MEGF6: variants seen among roughly 807,000 people sequenced by gnomAD.
The protein encoded by MEGF6 is multiple EGF like domains 6.
MEGF6 carries 184 observed loss-of-function variants against 207.1 expected under a neutral mutation model. That is an observed-to-expected ratio of 0.89 (90% CI 0.79 to 1.00). The LOEUF is 1.00. Ranked by LOEUF, MEGF6 falls within the 50% of genes least tolerant of loss-of-function variation. The probability of loss-of-function intolerance (pLI) is 0.00; values close to 1 mark genes in which losing one functional copy is unlikely to be tolerated. For missense variants in MEGF6, 2,282 were observed against 2,202.9 expected (o/e 1.04, Z -0.72); for synonymous variants, 1,038 against 910.0 (o/e 1.14, Z -2.53).
intron 1 of MEGF6, among the ~76,000 whole-genome samples, chr1:3,606,495 C>T (rs1040498119): frequency 1.3e-5 from 2 of 152,216 alleles, no homozygotes; most frequent in Non-Finnish European, 2.9e-5. Flanking sequence ...GCCTCAGTTT[C>T]CTCACCTGTA....
rs1315911984 is a variant in MEGF6 at position 3,560,289 on chromosome 1, C to T, written c.481+19536G>A. Among the ~76,000 whole-genome samples, 4 of 152,174 alleles carry T rather than the reference C, an allele frequency of 2.6e-5. No homozygotes were observed. The highest frequency in any genetic ancestry group is 4.4e-5 in the Non-Finnish European group (3 of 68,022). ...TGGAATGACCGCTTGGTACAGCGGA[C>T]GAGCCCACGTTGACACATTGTTGTT... On this transcript the variant is annotated intron_variant, in intron 4 of 36. Transcript: ENST00000356575. The surrounding 1 kb of genome is among the most constrained non-coding windows in gnomAD (Gnocchi z 4.0).
chr1:3,554,503 G>A lies in MEGF6; in HGVS notation c.481+25322C>T, dbSNP rs367870760. Among the ~76,000 whole-genome samples, 259 of 152,314 alleles carry A rather than the reference G, an allele frequency of 1.7e-3. 1 individual carries two copies. Among genetic ancestry groups the A allele is most frequent in the African/African-American group, 6.0e-3 (249 of 41,574 alleles). On this transcript the variant is annotated intron_variant, in intron 4 of 36. Coordinates refer to ENST00000356575, the MANE Select transcript of MEGF6 (RefSeq NM_001409.4). Reference sequence around the variant, plus strand: ...CCCCAGGGTCCCAGCTGCTACAGGAGGCAGCTACATCCCTTTCCTGGGGCT... The same window carrying A: ...CCCCAGGGTCCCAGCTGCTACAGGAAGCAGCTACATCCCTTTCCTGGGGCT...
intron 3 of MEGF6, among the ~76,000 whole-genome samples, chr1:3,584,047 T>G (rs1259155616): frequency 6.6e-6 from 1 of 152,256 alleles, no homozygotes; most frequent in East Asian, 1.9e-4. Context: ...CCCAGGCATC[T>G]GCTCTAGGGT....
intron 4 of MEGF6, among the ~76,000 whole-genome samples, chr1:3,537,541 C>T (rs941970955): frequency 2.0e-5 from 3 of 152,240 alleles, no homozygotes; most frequent in Non-Finnish European, 2.9e-5. Flanking sequence ...GGACCCTGAA[C>T]GAGTGGCCGG....
the MEGF6 span, among the ~76,000 whole-genome samples, chr1:3,621,277 A>C: frequency 6.6e-6 from 1 of 152,196 alleles, no homozygotes. Flanking sequence ...CCACTAGACC[A>C]CGGTCCGCTT....
At chr1:3,523,436 T>C in intron 5 of MEGF6, among the ~76,000 whole-genome samples, 1 of 151,574 alleles carries the variant, frequency 6.6e-6, no homozygotes, top group Non-Finnish European at 1.5e-5. Flanking sequence ...CCTCTAACCC[T>C]CCCTCCCTGC....
At chr1:3,513,532 C>A (rs543839610) in intron 7 of MEGF6, among the ~76,000 whole-genome samples, 1 of 149,622 alleles carries the variant, frequency 6.7e-6, no homozygotes, top group South Asian at 2.1e-4. Context: ...CCCACCTTGG[C>A]CTCTCAAAGT....
At chr1:3,540,201 TA>T (rs1329937038) in intron 4 of MEGF6, among the ~76,000 whole-genome samples, 5 of 152,220 alleles carry the variant, frequency 3.3e-5, no homozygotes, top group Non-Finnish European at 5.9e-5. Flanking sequence ...GGCTTGGCCT[TA>T]ACTGAGAACG....
chr1:3,601,768 C>T (rs1444442279), intron 2 of MEGF6, among the ~76,000 whole-genome samples: 1 of 152,244 alleles, frequency 6.6e-6, no homozygotes, highest in Non-Finnish European at 1.5e-5. Context: ...AGAAAGCTGC[C>T]AGAGCCCCCT....
rs762548187 is a variant in MEGF6, at chr1:3,515,422, T to C, written c.710A>G (p.Glu237Gly). The C allele has an allele frequency of 6.2e-7, 1 of 1,612,274 alleles. No homozygotes were observed. ...CTCACGGACACAATGCCTGCCGTCC[T>C]CCTGGAGCTGGAACCCGGGCCGGCA... ...CQCRPGFQLQ[E>G]DGRHCVRRSP... The change falls in exon 6 of 37, where the codon GAG becomes GGG. Residue 237 changes from glutamate to glycine, a missense_variant. Physicochemically the swap from Glu to Gly is moderately conservative, Grantham distance 98. Transcript: ENST00000356575.
intron 4 of MEGF6, among the ~76,000 whole-genome samples, chr1:3,567,511 AC>A (rs377134280): frequency 5.7e-4 from 86 of 151,494 alleles, no homozygotes; most frequent in African/African-American, 2.0e-3. Flanking sequence ...TCCCTCCTGC[AC>A]CCCCAGCATG....
chr1:3,563,421 C>T (rs1199865158), intron 4 of MEGF6, among the ~76,000 whole-genome samples: 4 of 152,162 alleles, frequency 2.6e-5, no homozygotes, highest in Admixed American at 6.5e-5. Context: ...GCTATAGGTC[C>T]GTCCCCTCGT....
At chr1:3,623,917 C>G in the MEGF6 span, among the ~76,000 whole-genome samples, 5 of 152,190 alleles carry the variant, frequency 3.3e-5, no homozygotes, top group Non-Finnish European at 5.9e-5. Context: ...TGGGAGGCGC[C>G]ACTGCAAACT....
rs1191628726 is a variant in MEGF6 at position 3,584,345 on chromosome 1, C to T, written c.377-4416G>A. Among the ~76,000 whole-genome samples the T allele has an allele frequency of 3.9e-5, 6 of 152,356 alleles. No homozygotes were observed. In the East Asian group the frequency reaches 1.2e-3, roughly 29 times the overall value. On this transcript the variant is annotated intron_variant, in intron 3 of 36. Coordinates refer to ENST00000356575, the MANE Select transcript of MEGF6 (RefSeq NM_001409.4). ...TCCTGCAGGTGAAGACCTTGGGCCA[C>T]TTCTCTGGAGCTGCCGCTTGGCCAG...
At position 3,490,069 on chromosome 1, in the gene MEGF6, C is replaced by T. The variant is rs531553815; in HGVS notation, c.*459G>A. ...CTTCCAGCTGATCCCAGGGCTGCAG[C>T]GGGCATGTGCAGTGGCCCATAAATA... On this transcript the variant is annotated 3_prime_UTR_variant, in exon 37 of 37. Transcript: ENST00000356575. 131 of 164,658 alleles carry T rather than the reference C, an allele frequency of 8.0e-4. No homozygotes were observed. Among genetic ancestry groups the T allele is most frequent in the Non-Finnish European group, 1.1e-3 (83 of 76,558 alleles). 10.2% of individuals were successfully genotyped at this position (164,658 alleles called of 1,614,324 possible).
intron 13 of MEGF6, 44 bp from the exon 14 acceptor site, chr1:3,507,967 G>C (rs551320122): frequency 6.3e-7 from 1 of 1,587,230 alleles, no homozygotes; most frequent in Non-Finnish European, 8.6e-7. Context: ...CAGCCAGCAC[G>C]ACACTCTGAG....
rs564273058 is a variant in MEGF6 at position 3,511,001 on chromosome 1, G to A, written c.1115-99C>T. ...GCATACGACCACACACAACCCACGC[G>A]CCCGACTGCACCTGCAGCTGCCCAC... On this transcript the variant is annotated intron_variant, in intron 9 of 36. Transcript: ENST00000356575. The A allele has an allele frequency of 1.2e-4, 174 of 1,480,958 alleles. 2 individuals carry two copies. In the African/African-American group the frequency reaches 2.1e-3, roughly 18 times the overall value. 91.7% of individuals were successfully genotyped at this position (1,480,958 alleles called of 1,614,324 possible). A position where few individuals can be genotyped will look rare whatever the true frequency, so the allele number is the denominator to read the frequency against.
chr1:3,586,836 C>T (rs550163639), intron 3 of MEGF6, among the ~76,000 whole-genome samples: 126 of 152,300 alleles, frequency 8.3e-4, no homozygotes, highest in African/African-American at 1.5e-3. Flanking sequence ...CCGGGCCCGC[C>T]GGCCTGATGG....
At chr1:3,529,252 G>C (rs1455217535) in intron 4 of MEGF6, among the ~76,000 whole-genome samples, 1 of 152,200 alleles carries the variant, frequency 6.6e-6, no homozygotes, top group Admixed American at 6.5e-5. Context: ...AGGCCAGTGT[G>C]GGGGCCTGAG....
Sources: gnomAD v4.1 joint callset for allele counts (sites outside exome capture counted in the v4.1 genomes callset) on GRCh38, gnomAD v4.1.1 for gene constraint, Gnocchi (gnomAD v3.1) non-coding constraint, MANE v1.5 for transcripts, NCBI Gene and HGNC (gene_info 2026-07-23, HGNC 2026-07-21) for gene names.